The following MOXD1 variants were observed in gnomAD, a reference collection of about 807,000 sequenced individuals.
The protein encoded by MOXD1 is monooxygenase DBH like 1.
MOXD1 carries 62 observed loss-of-function variants against 66.6 expected under a neutral mutation model. The ratio of observed to expected loss-of-function variants is 0.93; its 90% CI spans 0.76 to 1.15. The LOEUF is 1.15. MOXD1 is among the 50% of genes most tolerant of loss of function. MOXD1 has a pLI of 0.00. For synonymous variants in MOXD1, 303 were observed against 281.9 expected (o/e 1.07, Z -0.75); for missense variants, 847 against 754.6 (o/e 1.12, Z -1.44).
intron 4 of MOXD1, among the ~76,000 whole-genome samples, chr6:132,334,049 G>A (rs1175427734): frequency 1.3e-5 from 2 of 152,144 alleles, no homozygotes; most frequent in Non-Finnish European, 2.9e-5. Context: ...CCATAAAGCT[G>A]ACCTTGACAA....
At chr6:132,319,372 T>C (rs1489550984) in intron 9 of MOXD1, among the ~76,000 whole-genome samples, 1 of 152,018 alleles carries the variant, frequency 6.6e-6, no homozygotes, top group Non-Finnish European at 1.5e-5. Context: ...TTACTGAGCC[T>C]TTCTATCCAT....
intron 5 of MOXD1, 55 bp from the exon 6 acceptor site, chr6:132,328,170 A>G: frequency 6.8e-7 from 1 of 1,468,198 alleles, no homozygotes; most frequent in Non-Finnish European, 9.5e-7. Flanking sequence ...TGAGAGCTCT[A>G]TTCCACTCAA....
Position 132,297,909 on chromosome 6 carries a change from A to G in MOXD1, c.1555T>C (p.Ser519Pro), listed in dbSNP as rs1347158532. 3.2e-5 allele frequency: 51 copies of G among 1,612,796 alleles called. No homozygotes were observed. The highest frequency in any genetic ancestry group is 4.0e-5 in the Non-Finnish European group (47 of 1,179,532). The change falls in exon 11 of 12, where the codon TCT becomes CCT. Residue 519 changes from serine to proline, a missense_variant. By Grantham distance (74) the Ser-to-Pro change is moderately conservative. Coordinates refer to ENST00000367963, the MANE Select transcript of MOXD1 (RefSeq NM_015529.4). ...IKSPKQYKNL[S>P]FMDAMNKFKW... ...AACTTATTCATAGCATCCATGAAAG[A>G]AAGGTTTTTATATTGCTTGGGACTT...
chr6:132,401,123 C>T (rs1200159086), intron 1 of MOXD1, 40 bp downstream of exon 1: 3 of 1,458,818 alleles, frequency 2.1e-6, no homozygotes, highest in Non-Finnish European at 2.7e-6. Context: ...CGGACGGGAC[C>T]GGGCTCGGCC....
At chr6:132,355,967 CA>C (rs1206299693) in intron 4 of MOXD1, among the ~76,000 whole-genome samples, 4 of 152,006 alleles carry the variant, frequency 2.6e-5, no homozygotes, top group Non-Finnish European at 4.4e-5. Context: ...TCCCGTTCGG[CA>C]AAAAAAGCCA....
rs1756449005 is a variant in MOXD1, at chr6:132,296,302, T to A, written c.*851A>T. On this transcript the variant is annotated 3_prime_UTR_variant, in exon 12 of 12. Coordinates refer to ENST00000367963, the MANE Select transcript of MOXD1 (RefSeq NM_015529.4). Reference sequence around the variant, plus strand: ...AAGTCAGCAAGGAACCATTCAGAACTTACACCCTCCTGGACTGGCTCACAC... The same window carrying A: ...AAGTCAGCAAGGAACCATTCAGAACATACACCCTCCTGGACTGGCTCACAC... The A allele has an allele frequency of 6.6e-6, 1 of 152,196 alleles. No homozygotes were observed. The highest frequency in any genetic ancestry group is 2.4e-5 in the African/African-American group (1 of 41,438). 9.4% of individuals were successfully genotyped at this position (152,196 alleles called of 1,614,324 possible).
At chr6:132,351,655 T>C (rs886958856) in intron 4 of MOXD1, among the ~76,000 whole-genome samples, 6 of 152,192 alleles carry the variant, frequency 3.9e-5, no homozygotes, top group Middle Eastern at 3.2e-3. Context: ...GCTGGTTTCA[T>C]AGAATGAATT....
chr6:132,398,825 G>C (rs1776955317), intron 1 of MOXD1, among the ~76,000 whole-genome samples: 2 of 150,852 alleles, frequency 1.3e-5, no homozygotes, highest in Admixed American at 1.3e-4. Flanking sequence ...TGTAATCCCA[G>C]CTACTCGGGA....
intron 8 of MOXD1, among the ~76,000 whole-genome samples, chr6:132,321,332 T>A (rs1775074644): frequency 6.6e-6 from 1 of 152,144 alleles, no homozygotes; most frequent in African/African-American, 2.4e-5. Flanking sequence ...ACATAGGCAT[T>A]AGCAACAAAT....
chr6:132,382,792 T>A (rs1302189211), intron 1 of MOXD1, among the ~76,000 whole-genome samples: 1 of 152,216 alleles, frequency 6.6e-6, no homozygotes, highest in Non-Finnish European at 1.5e-5. Flanking sequence ...TTATTTAGCA[T>A]GATAGCCTCA....
At chr6:132,322,932 A>G (rs1176070626) in intron 7 of MOXD1, 62 bp from the exon 8 acceptor site, 3 of 1,393,674 alleles carry the variant, frequency 2.2e-6, no homozygotes, top group Non-Finnish European at 2.9e-6. Context: ...GACAGTTTAC[A>G]TTCAAACACA....
chr6:132,337,414 T>G (rs889670331), intron 4 of MOXD1, among the ~76,000 whole-genome samples: 3 of 152,250 alleles, frequency 2.0e-5, no homozygotes, highest in Non-Finnish European at 4.4e-5. Flanking sequence ...TAATTGGACC[T>G]GCGTAAGTTA....
intron 4 of MOXD1, among the ~76,000 whole-genome samples, chr6:132,365,553 A>G (rs1488347306): frequency 6.6e-6 from 1 of 152,192 alleles, no homozygotes; most frequent in Non-Finnish European, 1.5e-5. Flanking sequence ...AAGGAATTTG[A>G]GGACCAGGCA....
chr6:132,297,443 CA>C lies in MOXD1; in HGVS notation c.1678-127del. On this transcript the variant is annotated intron_variant, in intron 11 of 11. Coordinates refer to ENST00000367963, the MANE Select transcript of MOXD1 (RefSeq NM_015529.4). ...GCAGGAGTGGTTACCAAAGGAGTCA[CA>C]CACTGGGGGAGTCAGAAACCTAGGG... is the stretch of plus-strand genomic sequence containing the variant. The C allele has an allele frequency of 3.1e-6, 3 of 968,794 alleles. No homozygotes were observed. The South Asian group carries it at 5.0e-5, about 16-fold the overall frequency. 60.0% of individuals were successfully genotyped at this position (968,794 alleles called of 1,614,324 possible).
At chr6:132,322,913 G>A in intron 7 of MOXD1, 43 bp from the exon 8 acceptor site, 1 of 1,521,322 alleles carries the variant, frequency 6.6e-7, no homozygotes, top group Non-Finnish European at 8.9e-7. Context: ...CCACATTAAT[G>A]CATGTTCAGA....
Position 132,372,833 on chromosome 6 carries a change from C to T in MOXD1, c.576G>A (p.Gln192=). 6.2e-7 allele frequency: 1 copy of T among 1,613,640 alleles called. No homozygotes were observed. The highest frequency in any genetic ancestry group is 2.2e-5 in the East Asian group (1 of 44,864). The part of the protein sequence containing the change: ...TALPYFDLVN[Q]DVPIPNKDTT... Reference sequence around the variant, plus strand: ...CATAAAACCTGAAAACACTTACGTCCTGATTTACCAGATCAAAGTATGGTA... The same window carrying T: ...CATAAAACCTGAAAACACTTACGTCTTGATTTACCAGATCAAAGTATGGTA... Residue 192 remains glutamine, a synonymous_variant, in exon 3 of 12, where the codon CAG becomes CAA. Transcript: ENST00000367963.
At chr6:132,387,298 A>G (rs190284885) in intron 1 of MOXD1, among the ~76,000 whole-genome samples, 52 of 151,592 alleles carry the variant, frequency 3.4e-4, no homozygotes, top group African/African-American at 1.2e-3. Flanking sequence ...CCAGTTAAGT[A>G]CAATTTTATA....
At chr6:132,372,292 A>T (rs1380587385) in intron 4 of MOXD1, among the ~76,000 whole-genome samples, 2 of 152,218 alleles carry the variant, frequency 1.3e-5, no homozygotes, top group Non-Finnish European at 2.9e-5. Context: ...ATACGTAAAC[A>T]TACTATTTTA....
intron 7 of MOXD1, among the ~76,000 whole-genome samples, chr6:132,323,705 T>C (rs566192981): frequency 3.3e-5 from 5 of 151,146 alleles, no homozygotes; most frequent in Non-Finnish European, 7.4e-5. Flanking sequence ...AAGGTAGGAG[T>C]AAGAAGAAAA....
Sources: allele counts gnomAD v4.1 joint callset (sites outside exome capture counted in the v4.1 genomes callset), GRCh38; gene constraint gnomAD v4.1.1; transcripts MANE v1.5; gene names NCBI Gene and HGNC (gene_info 2026-07-23, HGNC 2026-07-21).